The following SNTB1 variants were observed in gnomAD, a reference collection of about 807,000 sequenced individuals.
The protein encoded by SNTB1 is beta-1-syntrophin.
Under a neutral mutation model 48.9 loss-of-function variants are expected in SNTB1, and 36 were observed. The observed-to-expected ratio is 0.74, with a 90% CI of 0.56 to 0.97. The LOEUF is 0.97. SNTB1 is among the 50% of genes least tolerant of loss of function. SNTB1 has a pLI of 0.00. For synonymous variants in SNTB1, 299 were observed against 294.6 expected, an observed-to-expected ratio of 1.01 and a Z score of -0.15; for missense variants, 786 against 703.4, an observed-to-expected ratio of 1.12 and a Z score of -1.33.
chr8:120,663,603 G>C (rs780575412), intron 2 of SNTB1, among the ~76,000 whole-genome samples: 1 of 152,090 alleles, frequency 6.6e-6, no homozygotes, highest in Non-Finnish European at 1.5e-5. Flanking sequence ...CACTGCACCC[G>C]GCCACAAGTA....
chr8:120,680,439 T>G (rs779211520), intron 2 of SNTB1, among the ~76,000 whole-genome samples: 3 of 152,216 alleles, frequency 2.0e-5, no homozygotes, highest in Non-Finnish European at 4.4e-5. Flanking sequence ...CCTGTTACAG[T>G]ATTGTTTAGG....
At chr8:120,691,262 C>A (rs940525554) in intron 2 of SNTB1, among the ~76,000 whole-genome samples, 5 of 152,288 alleles carry the variant, frequency 3.3e-5, no homozygotes, top group Admixed American at 3.3e-4. Context: ...ATTGCTCCTA[C>A]AATGTCTCAG....
chr8:120,636,321 C>T (rs1416183754), intron 2 of SNTB1, among the ~76,000 whole-genome samples: 2 of 147,286 alleles, frequency 1.4e-5, no homozygotes, highest in Non-Finnish European at 3.0e-5. Context: ...ATACATGTGC[C>T]ATGCTGGTGC....
intron 1 of SNTB1, among the ~76,000 whole-genome samples, chr8:120,712,315 T>C (rs1024839204): frequency 6.7e-6 from 1 of 148,196 alleles, no homozygotes; most frequent in Non-Finnish European, 1.5e-5. Context: ...CTCAGGAGGC[T>C]GAGGCAGGAG....
At chr8:120,577,819 A>G (rs1815975830) in intron 3 of SNTB1, among the ~76,000 whole-genome samples, 1 of 152,250 alleles carries the variant, frequency 6.6e-6, no homozygotes. Context: ...AGGTTTAAAT[A>G]GTCCCAAAGC....
At chr8:120,705,391 C>T (rs1818364915) in intron 1 of SNTB1, among the ~76,000 whole-genome samples, 1 of 152,180 alleles carries the variant, frequency 6.6e-6, no homozygotes, top group Non-Finnish European at 1.5e-5. Flanking sequence ...AGAAGTTATT[C>T]AACCTAGAAA....
chr8:120,727,084 T>G (rs1332579287), intron 1 of SNTB1, among the ~76,000 whole-genome samples: 2 of 152,158 alleles, frequency 1.3e-5, no homozygotes, highest in Non-Finnish European at 2.9e-5. Flanking sequence ...GAGACAGAAG[T>G]AAGAGAAACC....
In SNTB1 at chr8:120,811,954, G is replaced by C; in HGVS notation, c.-111C>G. ...GGGAGCGAGGAGAGTGCGTCCCGCG[G>C]GGAGGTGGCGGCACGCGGGACTCCG... On this transcript the variant is annotated 5_prime_UTR_variant, in exon 1 of 7. Coordinates refer to ENST00000517992, the MANE Select transcript of SNTB1 (RefSeq NM_021021.4). 2.4e-6 allele frequency: 3 copies of C among 1,273,464 alleles called. No homozygotes were observed. Among genetic ancestry groups the C allele is most frequent in the Non-Finnish European group, 3.0e-6 (3 of 1,014,614 alleles). 78.9% of individuals were successfully genotyped at this position (1,273,464 alleles called of 1,614,324 possible).
chr8:120,702,294 C>A (rs1035933199), intron 1 of SNTB1, among the ~76,000 whole-genome samples: 2 of 152,286 alleles, frequency 1.3e-5, no homozygotes, highest in East Asian at 3.9e-4. Flanking sequence ...GACAGGAGCC[C>A]GTCCCCTTTC....
At chr8:120,666,188 G>T (rs778174056) in intron 2 of SNTB1, among the ~76,000 whole-genome samples, 4 of 152,132 alleles carry the variant, frequency 2.6e-5, no homozygotes, top group Non-Finnish European at 4.4e-5. Context: ...ATTCCTTTCC[G>T]CAGATACATA....
chr8:120,783,575 A>C (rs1819866110), intron 1 of SNTB1, among the ~76,000 whole-genome samples: 1 of 152,128 alleles, frequency 6.6e-6, no homozygotes, highest in South Asian at 2.1e-4. Flanking sequence ...CTCTTCCTCC[A>C]ACTTGCCCTG....
intron 3 of SNTB1, among the ~76,000 whole-genome samples, chr8:120,620,831 T>G (rs1485565108): frequency 1.2e-4 from 19 of 152,102 alleles, no homozygotes; most frequent in Admixed American, 1.2e-3. Flanking sequence ...TTTTTTCCAA[T>G]GCCTCTTATG....
At chr8:120,805,247 C>T (rs1820313904) in intron 1 of SNTB1, among the ~76,000 whole-genome samples, 1 of 151,942 alleles carries the variant, frequency 6.6e-6, no homozygotes. Flanking sequence ...CCAAACACAC[C>T]CACGTCCTGG....
At chr8:120,663,163 T>C (rs1379314249) in intron 2 of SNTB1, among the ~76,000 whole-genome samples, 1 of 152,150 alleles carries the variant, frequency 6.6e-6, no homozygotes. Flanking sequence ...TAAGTGGCCC[T>C]GGAGAAAGAA....
chr8:120,607,873 G>A (rs900423724), intron 3 of SNTB1, among the ~76,000 whole-genome samples: 1 of 152,170 alleles, frequency 6.6e-6, no homozygotes, highest in Non-Finnish European at 1.5e-5. Flanking sequence ...CTTAAGTCTG[G>A]ACCCTTGAAA....
At chr8:120,586,667 C>T (rs1165501576) in intron 3 of SNTB1, among the ~76,000 whole-genome samples, 6 of 152,130 alleles carry the variant, frequency 3.9e-5, no homozygotes, top group Non-Finnish European at 8.8e-5. Context: ...CCAGGTAAGT[C>T]AACACATCAC....
At chr8:120,726,156 T>C (rs59254927) in intron 1 of SNTB1, among the ~76,000 whole-genome samples, 10,024 of 152,264 alleles carry the variant, frequency 0.066, 1,095 homozygotes, top group African/African-American at 0.23. Context: ...AAAACTATTT[T>C]CCTCATCATT....
chr8:120,561,349 GAAAA>G (rs1214008996), intron 4 of SNTB1, among the ~76,000 whole-genome samples: 6 of 90,084 alleles, frequency 6.7e-5, no homozygotes, highest in South Asian at 3.6e-4. Flanking sequence ...AAGAAAAAAA[GAAAA>G]AAAAGAAACT....
At chr8:120,577,333 G>T (rs1222251369) in intron 3 of SNTB1, among the ~76,000 whole-genome samples, 1 of 152,166 alleles carries the variant, frequency 6.6e-6, no homozygotes, top group African/African-American at 2.4e-5. Context: ...TGTATTTTAT[G>T]CATATTTTAA....
Sources: allele counts gnomAD v4.1 joint callset (sites outside exome capture counted in the v4.1 genomes callset), GRCh38; gene constraint gnomAD v4.1.1; transcripts MANE v1.5; gene names NCBI Gene and HGNC (gene_info 2026-07-23, HGNC 2026-07-21).